Variants in CERT1 observed in about 807,000 individuals in gnomAD.
The protein encoded by CERT1 is ceramide transfer protein.
Under a neutral mutation model 87.9 loss-of-function variants are expected in CERT1, and 31 were observed. That is an observed-to-expected ratio of 0.35 (90% CI 0.27 to 0.48). The LOEUF (loss-of-function observed/expected upper bound fraction) is 0.48. CERT1 is among the 20% of genes least tolerant of loss of function. The pLI is 0.99. For missense variants in CERT1, 487 were observed against 758.0 expected (o/e 0.64, Z 4.20); for synonymous variants, 289 against 250.9 (o/e 1.15, Z -1.44).
intron 2 of CERT1, among the ~76,000 whole-genome samples, chr5:75,486,528 T>C (rs1766532588): frequency 6.6e-6 from 1 of 151,996 alleles, no homozygotes; most frequent in Non-Finnish European, 1.5e-5. Context: ...GAAGGGTATA[T>C]GAATTGGAAA....
chr5:75,434,473 G>A (rs1764005522), intron 3 of CERT1, among the ~76,000 whole-genome samples: 1 of 151,996 alleles, frequency 6.6e-6, no homozygotes, highest in South Asian at 2.1e-4. Flanking sequence ...GTCTCTGCCA[G>A]GTTTTGGTAT....
intron 11 of CERT1, among the ~76,000 whole-genome samples, chr5:75,397,388 G>C (rs1762298074): frequency 6.6e-6 from 1 of 152,102 alleles, no homozygotes; most frequent in Admixed American, 6.5e-5. Flanking sequence ...ATATTACGAA[G>C]AAGTAAGCTG....
intron 7 of CERT1, among the ~76,000 whole-genome samples, chr5:75,414,732 T>C (rs1434400870): frequency 6.6e-6 from 1 of 152,206 alleles, no homozygotes; most frequent in Admixed American, 6.5e-5. Flanking sequence ...ACTGACATTA[T>C]AAATCTACAT....
At chr5:75,391,221 G>C (rs1762018971) in intron 11 of CERT1, among the ~76,000 whole-genome samples, 1 of 151,982 alleles carries the variant, frequency 6.6e-6, no homozygotes, top group Admixed American at 6.6e-5. Flanking sequence ...CCTCATTAAT[G>C]GTTTTAAAAA....
intron 11 of CERT1, among the ~76,000 whole-genome samples, chr5:75,393,700 T>C (rs1339550948): frequency 6.7e-6 from 1 of 148,720 alleles, no homozygotes; most frequent in Non-Finnish European, 1.5e-5. Context: ...GCAGGGTGGC[T>C]CATGCCTGTA....
intron 4 of CERT1, among the ~76,000 whole-genome samples, 166 bp from the exon 5 acceptor site, chr5:75,425,665 C>A (rs1449007962): frequency 5.3e-5 from 8 of 152,240 alleles, no homozygotes; most frequent in African/African-American, 1.7e-4. Context: ...AGGCTTGAAA[C>A]TGATGAATCT....
chr5:75,432,634 TTC>T (rs1377381606), intron 3 of CERT1, among the ~76,000 whole-genome samples: 1 of 152,222 alleles, frequency 6.6e-6, no homozygotes, highest in African/African-American at 2.4e-5. Flanking sequence ...GGCAAATACT[TTC>T]TCTCTTTCTG....
At chr5:75,483,547 T>C (rs1766356176) in intron 2 of CERT1, among the ~76,000 whole-genome samples, 1 of 152,182 alleles carries the variant, frequency 6.6e-6, no homozygotes, top group East Asian at 1.9e-4. Context: ...TCAAGAAGAT[T>C]TAATCCAAAT....
chr5:75,376,613 A>G (rs961657348), downstream of CERT1: 1 of 152,210 alleles, frequency 6.6e-6, no homozygotes, highest in African/African-American at 2.4e-5. Context: ...TAACAATTCT[A>G]AAGTACAAGA....
chr5:75,414,076 C>T (rs1402959037), intron 7 of CERT1, among the ~76,000 whole-genome samples: 1 of 151,954 alleles, frequency 6.6e-6, no homozygotes, highest in African/African-American at 2.4e-5. Flanking sequence ...AAAGAATAAA[C>T]TACTATTAAA....
downstream of CERT1, chr5:75,377,097 AG>A (rs916246360): frequency 6.6e-6 from 1 of 152,244 alleles, no homozygotes; most frequent in Non-Finnish European, 1.5e-5. Context: ...ATTACAAAAT[AG>A]AATTTATAGA....
chr5:75,489,853 T>A (rs1412169082), intron 2 of CERT1, among the ~76,000 whole-genome samples: 2 of 151,932 alleles, frequency 1.3e-5, no homozygotes, highest in Non-Finnish European at 2.9e-5. Context: ...TAGAAAGCAA[T>A]GCCATTACTG....
At chr5:75,427,596 CA>C (rs200128998) in intron 3 of CERT1, among the ~76,000 whole-genome samples, 12,399 of 152,206 alleles carry the variant, frequency 0.081, 610 homozygotes, top group South Asian at 0.17. Flanking sequence ...CAGTAAAACT[CA>C]AGTCTCAAAA....
Position 75,456,880 on chromosome 5 carries a change from T to C in CERT1, c.348+2185A>G, listed in dbSNP as rs527507685. Among the ~76,000 whole-genome samples, 13 of 152,198 alleles carry C rather than the reference T, an allele frequency of 8.5e-5. No individual in the cohort carries two copies. In the South Asian group the frequency reaches 2.7e-3, roughly 32 times the overall value. ...GAGAAATATATACTTCGTGCATTAA[T>C]CTTCACTAAAGGAAGAAAACACAAA... On this transcript the variant is annotated intron_variant, in intron 3 of 16. Coordinates refer to ENST00000643780, the MANE Select transcript of CERT1 (RefSeq NM_001379029.1).
intron 15 of CERT1, 30 bp downstream of exon 15, chr5:75,381,919 A>T: frequency 1.3e-6 from 2 of 1,587,900 alleles, no homozygotes; most frequent in Non-Finnish European, 8.6e-7. Context: ...TATATTGTTT[A>T]ATTATACACA....
chr5:75,414,301 T>TTA (rs1763050344), intron 7 of CERT1, among the ~76,000 whole-genome samples: 1 of 152,118 alleles, frequency 6.6e-6, no homozygotes, highest in Non-Finnish European at 1.5e-5. Context: ...GCTAGAAAAG[T>TTA]TATATATCTT....
At chr5:75,497,715 G>A (rs1767141056) in intron 2 of CERT1, among the ~76,000 whole-genome samples, 1 of 152,078 alleles carries the variant, frequency 6.6e-6, no homozygotes, top group Non-Finnish European at 1.5e-5. Flanking sequence ...AGAACTGTGA[G>A]TCAATTAAAA....
At chr5:75,389,892 G>GA in intron 11 of CERT1, among the ~76,000 whole-genome samples, 1 of 152,254 alleles carries the variant, frequency 6.6e-6, no homozygotes, top group Non-Finnish European at 1.5e-5. Flanking sequence ...AGACAGAAAT[G>GA]AAAAGAAGGA....
chr5:75,489,200 A>G (rs1766661775), intron 2 of CERT1, among the ~76,000 whole-genome samples: 1 of 152,248 alleles, frequency 6.6e-6, no homozygotes, highest in African/African-American at 2.4e-5. Flanking sequence ...CCATATGCAG[A>G]AAACTGAAAC....
Sources: allele counts gnomAD v4.1 joint callset (sites outside exome capture counted in the v4.1 genomes callset), GRCh38; gene constraint gnomAD v4.1.1; transcripts MANE v1.5; gene names NCBI Gene and HGNC (gene_info 2026-07-23, HGNC 2026-07-21).